Variants in DMRTA1 observed in about 807,000 individuals in gnomAD.
DMRTA1 encodes DMRT like family A1, also known as doublesex- and mab-3-related transcription factor A1.
DMRTA1 carries 34 observed loss-of-function variants against 35.2 expected under a neutral mutation model. That is an observed-to-expected ratio of 0.97 (90% CI 0.74 to 1.29). The LOEUF (loss-of-function observed/expected upper bound fraction) is 1.29. DMRTA1 is among the 50% of genes most tolerant of loss of function. The probability of loss-of-function intolerance (pLI) is 0.00; values close to 1 mark genes in which losing one functional copy is unlikely to be tolerated. For synonymous variants in DMRTA1, 344 were observed against 276.6 expected (o/e 1.24, Z -2.42); for missense variants, 824 against 644.6 (o/e 1.28, Z -3.01).
Position 22,447,576 on chromosome 9 carries a change from C to T in DMRTA1, c.511C>T (p.Arg171Trp), listed in dbSNP as rs1157467508. 3 of 1,599,196 alleles carry T rather than the reference C, an allele frequency of 1.9e-6. No homozygotes were observed. Among genetic ancestry groups the T allele is most frequent in the Middle Eastern group, 1.8e-4 (1 of 5,552 alleles). ...CSGLSWPPGG[R>W]ASGGGGRAEN... ...GGGGCTCTCCTGGCCCCCCGGTGGTCGGGCATCCGGGGGCGGCGGCAGAGC... is the reference window on the plus strand; with the variant it reads ...GGGGCTCTCCTGGCCCCCCGGTGGTTGGGCATCCGGGGGCGGCGGCAGAGC... The change falls in exon 1 of 2, where the codon CGG (arginine) becomes TGG (tryptophan). Residue 171 changes from arginine to tryptophan, a missense_variant. Physicochemically the swap from Arg to Trp is moderately radical, Grantham distance 101 (BLOSUM62 -3). Transcript: ENST00000325870.
Position 22,447,586 on chromosome 9 carries a change from G to C in DMRTA1, c.521G>C (p.Gly174Ala). 2 of 1,602,684 alleles carry C rather than the reference G, an allele frequency of 1.2e-6. No individual in the cohort carries two copies. The highest frequency in any genetic ancestry group is 1.7e-6 in the Non-Finnish European group (2 of 1,175,590). Reference sequence around the variant, plus strand: ...TGGCCCCCCGGTGGTCGGGCATCCGGGGGCGGCGGCAGAGCCGAGAATCCA... The same window carrying C: ...TGGCCCCCCGGTGGTCGGGCATCCGCGGGCGGCGGCAGAGCCGAGAATCCA... ...LSWPPGGRAS[G>A]GGGRAENPQS... The change falls in exon 1 of 2, where the codon GGG becomes GCG. Residue 174 changes from glycine to alanine, a missense_variant. By Grantham distance (60) the Gly-to-Ala change is moderately conservative. Coordinates refer to ENST00000325870, the MANE Select transcript of DMRTA1 (RefSeq NM_022160.3).
chr9:22,453,980 A>C lies in DMRTA1; in HGVS notation c.*2069A>C, dbSNP rs1818970111. The C allele has an allele frequency of 1.3e-5, 2 of 152,078 alleles. No homozygotes were observed. Among genetic ancestry groups the C allele is most frequent in the Non-Finnish European group, 2.9e-5 (2 of 67,946 alleles). The allele number at this position is 152,078 out of a possible 1,614,324, so 9.4% of individuals were successfully genotyped here. On this transcript the variant is annotated 3_prime_UTR_variant, in exon 2 of 2. Coordinates refer to ENST00000325870, the MANE Select transcript of DMRTA1 (RefSeq NM_022160.3). Reference sequence around the variant, plus strand: ...TATAATGATGTGCTTGTATCTGAGAAACTGAATTGCTTTTGACCTTGGGAG... The same window carrying C: ...TATAATGATGTGCTTGTATCTGAGACACTGAATTGCTTTTGACCTTGGGAG...
In DMRTA1 at chr9:22,447,536, G is replaced by A. The variant is rs772394134; in HGVS notation, c.471G>A (p.Gln157=). Residue 157 remains glutamine (Q), a synonymous_variant, in exon 1 of 2, where the codon CAG becomes CAA. Transcript: ENST00000325870. The stretch of plus-strand genomic sequence containing the variant: ...AGGAGAGCGAAGCCCGGGGGCTACA[G>A]AGGCTCCTGTGCTCGGGGCTCTCCT... The part of the protein sequence containing the change: ...AQEESEARGL[Q]RLLCSGLSWP... The A allele has an allele frequency of 1.3e-6, 2 of 1,584,482 alleles. No homozygotes were observed. Among genetic ancestry groups the A allele is most frequent in the Non-Finnish European group, 1.7e-6 (2 of 1,165,982 alleles).
rs1818954570 is a variant in DMRTA1, at chr9:22,452,969, A to G, written c.*1058A>G. 1 of 152,172 alleles carries G rather than the reference A, an allele frequency of 6.6e-6. No individual in the cohort carries two copies. The highest frequency in any genetic ancestry group is 2.4e-5 in the African/African-American group (1 of 41,468). The allele number at this position is 152,172 out of a possible 1,614,324, so 9.4% of individuals were successfully genotyped here. A position where few individuals can be genotyped will look rare whatever the true frequency, so the allele number is the denominator to read the frequency against. On this transcript the variant is annotated 3_prime_UTR_variant, in exon 2 of 2. Transcript: ENST00000325870. ...GATATAAGATTTCCAAAGGGGAAAA[A>G]CTGCCATGAAGTTTCAGAGGTATTC...
chr9:22,455,724 TAAAC>T lies in DMRTA1; in HGVS notation c.*3815_*3818del, dbSNP rs1268035262. ...TATTTTCAGGGCTTTCTGAAGAAAATAAACATCGAAATCATAGTTTGTGTTTATG... is the reference window on the plus strand; with the variant it reads ...TATTTTCAGGGCTTTCTGAAGAAAATATCGAAATCATAGTTTGTGTTTATG... On this transcript the variant is annotated 3_prime_UTR_variant, in exon 2 of 2. Coordinates refer to ENST00000325870, the MANE Select transcript of DMRTA1 (RefSeq NM_022160.3). 6.6e-6 allele frequency: 1 copy of T among 152,182 alleles called. No homozygotes were observed. Among genetic ancestry groups the T allele is most frequent in the Non-Finnish European group, 1.5e-5 (1 of 68,026 alleles). 9.4% of individuals were successfully genotyped at this position (152,182 alleles called of 1,614,324 possible).
rs750819763 is a variant in DMRTA1 at position 22,447,568 on chromosome 9, C to G, written c.503C>G (p.Pro168Arg). The G allele has an allele frequency of 1.1e-5, 17 of 1,597,978 alleles. No individual in the cohort carries two copies. Among genetic ancestry groups the G allele is most frequent in the Middle Eastern group, 1.8e-4 (1 of 5,580 alleles). Residue 168 changes from proline to arginine, a missense_variant, in exon 1 of 2, where the codon CCC becomes CGC. Coordinates refer to ENST00000325870, the MANE Select transcript of DMRTA1 (RefSeq NM_022160.3). ...RLLCSGLSWP[P>R]GGRASGGGGR... ...CTGTGCTCGGGGCTCTCCTGGCCCC[C>G]CGGTGGTCGGGCATCCGGGGGCGGC...
chr9:22,450,957 T>C (rs1306715541), intron 1 of DMRTA1, 107 bp from the exon 2 acceptor site: 1 of 1,146,420 alleles, frequency 8.7e-7, no homozygotes, highest in Non-Finnish European at 1.2e-6. Context: ...TATTACTAAT[T>C]AATAGGAGTG....
chr9:22,451,030 C>G, intron 1 of DMRTA1, 34 bp from the exon 2 acceptor site: 1 of 1,582,540 alleles, frequency 6.3e-7, no homozygotes, highest in Non-Finnish European at 8.6e-7. Context: ...GAAGTCTTCC[C>G]TGTATTTGAT....
In DMRTA1 at chr9:22,455,519, G is replaced by C. The variant is rs10733377; in HGVS notation, c.*3608G>C. The C allele has an allele frequency of 1.3e-5, 2 of 152,024 alleles. No individual in the cohort carries two copies. Among genetic ancestry groups the C allele is most frequent in the East Asian group, 3.9e-4 (2 of 5,170 alleles). The allele number at this position is 152,024 out of a possible 1,614,324, so 9.4% of individuals were successfully genotyped here. A position where few individuals can be genotyped will look rare whatever the true frequency, so the allele number is the denominator to read the frequency against. On this transcript the variant is annotated 3_prime_UTR_variant, in exon 2 of 2. Coordinates refer to ENST00000325870, the MANE Select transcript of DMRTA1 (RefSeq NM_022160.3). The stretch of plus-strand genomic sequence containing the variant: ...ATTAAGATATTATCTTTGCCCCCTC[G>C]TGGCAGTCTCTCAACAAAGAGTACT...
chr9:22,448,516 C>T (rs545006701), intron 1 of DMRTA1, among the ~76,000 whole-genome samples: 1 of 152,202 alleles, frequency 6.6e-6, no homozygotes, highest in East Asian at 1.9e-4. Context: ...GAGTCAGTTG[C>T]CTTCATTTCC....
chr9:22,451,301 C>G lies in DMRTA1; in HGVS notation c.905C>G (p.Ser302Ter). ...TCCTTATCATCCTCTGATCTGGAAT[C>G]AGGAAATGAAAGTGAATGGGTCAAA... ...PRSLSSSDLESGNESEWVKDL... is the reference protein window; with the variant it reads ...PRSLSSSDLE The change falls in exon 2 of 2, where the codon TCA (serine) becomes TGA (stop). Residue 302 changes from serine to a stop codon, truncating the protein, a stop_gained. Coordinates refer to ENST00000325870, the MANE Select transcript of DMRTA1 (RefSeq NM_022160.3). LOFTEE classifies it high-confidence loss of function. 6.2e-7 allele frequency: 1 copy of G among 1,614,114 alleles called. No homozygotes were observed. The highest frequency in any genetic ancestry group is 8.5e-7 in the Non-Finnish European group (1 of 1,179,978).
At position 22,447,306 on chromosome 9, in the gene DMRTA1, G is replaced by C. The variant is rs1196557033; in HGVS notation, c.241G>C (p.Glu81Gln). 4 of 1,521,026 alleles carry C rather than the reference G, an allele frequency of 2.6e-6. No individual in the cohort carries two copies. In the African/African-American group the frequency reaches 5.8e-5, roughly 22 times the overall value. The allele number at this position is 1,521,026 out of a possible 1,614,324, so 94.2% of individuals were successfully genotyped here. A position where few individuals can be genotyped will look rare whatever the true frequency, so the allele number is the denominator to read the frequency against. ...AGGCTGCCCGCCGGCTCCCGGGCTG[G>C]AGAGCGGGGTAGGCGCGGTGGGCTG... Reference protein sequence around the residue: ...SGGCPPAPGLESGVGAVGCGY... With the variant: ...SGGCPPAPGLQSGVGAVGCGY... The change falls in exon 1 of 2, where the codon GAG (glutamate) becomes CAG (glutamine). Residue 81 changes from glutamate to glutamine, a missense_variant. Transcript: ENST00000325870.
rs1230553176 is a variant in DMRTA1 at position 22,454,788 on chromosome 9, T to C, written c.*2877T>C. The C allele has an allele frequency of 6.6e-6, 1 of 152,138 alleles. No individual in the cohort carries two copies. Among genetic ancestry groups the C allele is most frequent in the Non-Finnish European group, 1.5e-5 (1 of 68,018 alleles). 9.4% of individuals were successfully genotyped at this position (152,138 alleles called of 1,614,324 possible). On this transcript the variant is annotated 3_prime_UTR_variant, in exon 2 of 2. Transcript: ENST00000325870. The stretch of plus-strand genomic sequence containing the variant: ...TTCAGAAGAACATAAGGAATGACTT[T>C]TTTCACAGTTAACAGCTGTCCAAGA...
At position 22,451,274 on chromosome 9, in the gene DMRTA1, G is replaced by A; in HGVS notation, c.878G>A (p.Arg293Lys). The change falls in exon 2 of 2, where the codon AGG (arginine) becomes AAG (lysine). Residue 293 changes from arginine (R) to lysine (K), a missense_variant. Coordinates refer to ENST00000325870, the MANE Select transcript of DMRTA1 (RefSeq NM_022160.3). ...GEQSGGEESP[R>K]SLSSSDLESG... ...CAATCAGGAGGTGAAGAGAGTCCCA[G>A]GTCCTTATCATCCTCTGATCTGGAA... 2 of 1,614,044 alleles carry A rather than the reference G, an allele frequency of 1.2e-6. No individual in the cohort carries two copies. The highest frequency in any genetic ancestry group is 1.7e-6 in the Non-Finnish European group (2 of 1,179,956).
chr9:22,447,622 G>T lies in DMRTA1; in HGVS notation c.557G>T (p.Gly186Val), dbSNP rs775037855. Residue 186 changes from glycine (G) to valine (V), a missense_variant, in exon 1 of 2, where the codon GGC becomes GTC. By Grantham distance (109) the Gly-to-Val change is moderately radical. Coordinates refer to ENST00000325870, the MANE Select transcript of DMRTA1 (RefSeq NM_022160.3). ...GGRAENPQST[G>V]GPAAGAALGL... ...AGAGCCGAGAATCCACAGTCCACGG[G>T]CGGCCCTGCGGCGGGGGCTGCGCTG... The T allele has an allele frequency of 6.2e-7, 1 of 1,611,014 alleles. No individual in the cohort carries two copies. Among genetic ancestry groups the T allele is most frequent in the Non-Finnish European group, 8.5e-7 (1 of 1,179,538 alleles).
Position 22,451,524 on chromosome 9 carries a change from A to G in DMRTA1, c.1128A>G (p.Leu376=). ...GKEHKPDNRN[L]ANSEELENTA... is the part of the protein sequence containing the mutation. ...AACACAAGCCAGACAACAGGAACCT[A>G]GCAAACTCAGAAGAACTGGAAAACA... The change falls in exon 2 of 2, where the codon CTA becomes CTG. Residue 376 remains leucine, a synonymous_variant. Coordinates refer to ENST00000325870, the MANE Select transcript of DMRTA1 (RefSeq NM_022160.3). 1 of 1,614,186 alleles carries G rather than the reference A, an allele frequency of 6.2e-7. No individual in the cohort carries two copies. The highest frequency in any genetic ancestry group is 8.5e-7 in the Non-Finnish European group (1 of 1,179,992).
Position 22,455,030 on chromosome 9 carries a change from T to C in DMRTA1, c.*3119T>C, listed in dbSNP as rs1399412978. ...CCATGAAAATTAAAACACCCTACCA[T>C]TATTTATCAATAAAACACAGTGCAG... On this transcript the variant is annotated 3_prime_UTR_variant, in exon 2 of 2. Coordinates refer to ENST00000325870, the MANE Select transcript of DMRTA1 (RefSeq NM_022160.3). 1.3e-5 allele frequency: 2 copies of C among 152,194 alleles called. No homozygotes were observed. The highest frequency in any genetic ancestry group is 6.5e-5 in the Admixed American group (1 of 15,276). The allele number at this position is 152,194 out of a possible 1,614,324, so 9.4% of individuals were successfully genotyped here. A position where few individuals can be genotyped will look rare whatever the true frequency, so the allele number is the denominator to read the frequency against.
In DMRTA1 at chr9:22,453,249, A is replaced by C. The variant is rs530762414; in HGVS notation, c.*1338A>C. ...CTATTTAAGCAGCATGACTCACTAA[A>C]GATTTTTTAAATTATATGTATATAC... On this transcript the variant is annotated 3_prime_UTR_variant, in exon 2 of 2. Coordinates refer to ENST00000325870, the MANE Select transcript of DMRTA1 (RefSeq NM_022160.3). 6.6e-6 allele frequency: 1 copy of C among 152,198 alleles called. No homozygotes were observed. Among genetic ancestry groups the C allele is most frequent in the South Asian group, 2.1e-4 (1 of 4,830 alleles). 9.4% of individuals were successfully genotyped at this position (152,198 alleles called of 1,614,324 possible).
In DMRTA1 at chr9:22,447,577, G is replaced by T. The variant is rs1405246361; in HGVS notation, c.512G>T (p.Arg171Leu). ...CSGLSWPPGG[R>L]ASGGGGRAEN... ...GGGCTCTCCTGGCCCCCCGGTGGTC[G>T]GGCATCCGGGGGCGGCGGCAGAGCC... The change falls in exon 1 of 2, where the codon CGG becomes CTG. Residue 171 changes from arginine (R) to leucine (L), a missense_variant. Transcript: ENST00000325870. The T allele has an allele frequency of 6.3e-7, 1 of 1,599,246 alleles. No individual in the cohort carries two copies. The highest frequency in any genetic ancestry group is 1.7e-5 in the Admixed American group (1 of 58,444).
Sources: gnomAD v4.1 joint callset for allele counts (sites outside exome capture counted in the v4.1 genomes callset) on GRCh38, gnomAD v4.1.1 for gene constraint, MANE v1.5 for transcripts, NCBI Gene and HGNC (gene_info 2026-07-23, HGNC 2026-07-21) for gene names.